UROD: variants seen among roughly 807,000 people sequenced by gnomAD.
UROD encodes the protein uroporphyrinogen III decarboxylase.
In UROD, 34 loss-of-function variants were observed where a neutral mutation model predicts 47.1. The observed-to-expected ratio is 0.72, with a 90% CI of 0.55 to 0.96. The LOEUF is 0.96. Among genes scored for constraint, UROD ranks in the 40% least tolerant of loss-of-function variants. The pLI is 0.00. For missense variants in UROD, 381 were observed against 471.8 expected, an observed-to-expected ratio of 0.81 and a Z score of 1.78; for synonymous variants, 148 against 175.8, an observed-to-expected ratio of 0.84 and a Z score of 1.25.
chr1:45,015,077 G>A (rs966651277), intron 9 of UROD, 71 bp downstream of exon 9: 93 of 1,605,654 alleles, frequency 5.8e-5, no homozygotes, highest in Non-Finnish European at 7.5e-5. Flanking sequence ...TATTCTGTGT[G>A]CACTTGTTTT....
intron 1 of UROD, 111 bp from the exon 2 acceptor site, chr1:45,012,796 C>T: frequency 1.3e-6 from 2 of 1,553,542 alleles, no homozygotes; most frequent in Non-Finnish European, 8.7e-7. Context: ...GGGAGCTGGC[C>T]TGGAGGAGGT....
chr1:45,014,689 G>A, intron 7 of UROD, 47 bp from the exon 8 acceptor site: 1 of 1,613,696 alleles, frequency 6.2e-7, no homozygotes, highest in Non-Finnish European at 8.5e-7. Context: ...AGAAAGATTA[G>A]TGGTTGTAGC....
In UROD at chr1:45,013,657, G is replaced by A; in HGVS notation, c.340G>A (p.Glu114Lys). 6.2e-7 allele frequency: 1 copy of A among 1,614,146 alleles called. No homozygotes were observed. The highest frequency in any genetic ancestry group is 1.3e-5 in the African/African-American group (1 of 75,034). The change falls in exon 5 of 10, where the codon GAA becomes AAA. Residue 114 changes from glutamate (E) to lysine (K), a missense_variant. Coordinates refer to ENST00000246337, the MANE Select transcript of UROD (RefSeq NM_000374.5). The surrounding 1 kb of genome is among the most constrained non-coding windows in gnomAD (Gnocchi z 4.2). ...KGPSFPEPLREEQDLERLRDP... is the reference protein window; with the variant it reads ...KGPSFPEPLRKEQDLERLRDP... ...ACCCAGCTTCCCAGAGCCATTAAGAGAAGAGCAGGACCTAGAACGCCTACG... is the reference window on the plus strand; with the variant it reads ...ACCCAGCTTCCCAGAGCCATTAAGAAAAGAGCAGGACCTAGAACGCCTACG...
rs1644822746 is a variant in UROD at position 45,013,504 on chromosome 1, T to G, written c.277-90T>G. The G allele has an allele frequency of 1.9e-6, 3 of 1,606,040 alleles. No individual in the cohort carries two copies. Among genetic ancestry groups the G allele is most frequent in the Non-Finnish European group, 8.5e-7 (1 of 1,174,318 alleles). On this transcript the variant is annotated intron_variant, in intron 4 of 9. Coordinates refer to ENST00000246337, the MANE Select transcript of UROD (RefSeq NM_000374.5). The surrounding 1 kb of genome is among the most constrained non-coding windows in gnomAD (Gnocchi z 4.2). Reference sequence around the variant, plus strand: ...AGAAATGGAGTTTGGCAGAGTTTTATTCTCCTTTTCCTTCCTCCTGGAATG... The same window carrying G: ...AGAAATGGAGTTTGGCAGAGTTTTAGTCTCCTTTTCCTTCCTCCTGGAATG...
chr1:45,014,307 TA>T (rs1644830424), intron 6 of UROD, 131 bp from the exon 7 acceptor site: 9 of 1,458,050 alleles, frequency 6.2e-6, no homozygotes, highest in Admixed American at 5.5e-5. Flanking sequence ...TTTTTTTTTT[TA>T]ATTACTGGGT....
chr1:45,015,113 ACT>A (rs1644839114), intron 9 of UROD, 107 bp downstream of exon 9: 2 of 1,556,526 alleles, frequency 1.3e-6, no homozygotes, highest in African/African-American at 2.7e-5. Context: ...CTTTTCTTCT[ACT>A]CTGTACAACA....
At position 45,015,337 on chromosome 1, in the gene UROD, G is replaced by A. The variant is rs1193521376; in HGVS notation, c.943G>A (p.Glu315Lys). ...AGCCAGTGCCCTGTTGGTCCCCCAG[G>A]AGGAGATCGGGCAGTTGGTGAAGCA... ...LDPCALYASE[E>K]EIGQLVKQML... is the part of the protein sequence containing the mutation. Residue 315 changes from glutamate (E) to lysine (K), a missense_variant and splice_region_variant, in exon 10 of 10, where the codon GAG (glutamate) becomes AAG (lysine). Physicochemically the swap from Glu to Lys is moderately conservative, Grantham distance 56. Transcript: ENST00000246337. 11 of 1,613,964 alleles carry A rather than the reference G, an allele frequency of 6.8e-6. No individual in the cohort carries two copies. Among genetic ancestry groups the A allele is most frequent in the Non-Finnish European group, 7.6e-6 (9 of 1,179,986 alleles).
chr1:45,012,577 G>T (rs1644810445), intron 1 of UROD: 4 of 616,592 alleles, frequency 6.5e-6, no homozygotes, highest in Non-Finnish European at 1.1e-5. Flanking sequence ...CCAGCCCAGT[G>T]ACATTCCCGT....
At chr1:45,015,060 G>A (rs1010988127) in intron 9 of UROD, 54 bp downstream of exon 9, 12 of 1,609,536 alleles carry the variant, frequency 7.5e-6, no homozygotes, top group Non-Finnish European at 4.2e-6. Context: ...TGTGGCTGTG[G>A]CTGTATTATT....
chr1:45,013,582 CT>C lies in UROD; in HGVS notation c.277-11del. ...TCCATTTTGGGAACCCAGATGTTTT[CT>C]CCCCCTCCAGGCACTGGGCATGGAG... is the stretch of plus-strand genomic sequence containing the variant. On this transcript the variant is annotated splice_polypyrimidine_tract_variant and intron_variant, in intron 4 of 9. Coordinates refer to ENST00000246337, the MANE Select transcript of UROD (RefSeq NM_000374.5). This position sits in a 1 kb window ranked among gnomAD's most constrained non-coding sequence, Gnocchi z 4.2. 6.2e-7 allele frequency: 1 copy of C among 1,614,104 alleles called. No homozygotes were observed. The highest frequency in any genetic ancestry group is 8.5e-7 in the Non-Finnish European group (1 of 1,180,018).
rs914169592 is a variant in UROD, at chr1:45,013,809, A to G, written c.474+18A>G. ...GTGCCCCAGTAATGTGGGACAGGGC[A>G]GGGACTCGGGGCGCGGGGAGATCAC... On this transcript the variant is annotated intron_variant, in intron 5 of 9. Coordinates refer to ENST00000246337, the MANE Select transcript of UROD (RefSeq NM_000374.5). The surrounding 1 kb of genome is among the most constrained non-coding windows in gnomAD (Gnocchi z 4.2). The G allele has an allele frequency of 2.5e-6, 4 of 1,614,046 alleles. No homozygotes were observed. Among genetic ancestry groups the G allele is most frequent in the African/African-American group, 2.7e-5 (2 of 74,940 alleles).
At position 45,014,198 on chromosome 1, in the gene UROD, T is replaced by C. The variant is rs148252375; in HGVS notation, c.636+128T>C. The C allele has an allele frequency of 5.4e-4, 785 of 1,456,254 alleles. 8 individuals carry two copies. In the African/African-American group the frequency reaches 9.6e-3, roughly 18 times the overall value. 90.2% of individuals were successfully genotyped at this position (1,456,254 alleles called of 1,614,324 possible). On this transcript the variant is annotated intron_variant, in intron 6 of 9. Coordinates refer to ENST00000246337, the MANE Select transcript of UROD (RefSeq NM_000374.5). ...GAAAGAACCTTGGCCTCCAGTGATC[T>C]AGCGGAGCAGCCAAGCCCATCCTGA...
At position 45,015,499 on chromosome 1, in the gene UROD, G is replaced by GTGTA. The variant is rs2148984017; in HGVS notation, c.*3_*6dup. ...CTCACGTCTGCTTCGACAGAACTGA[G>GTGTA]TGTATACCTTTACCCTCAAGTACCA... On this transcript the variant is annotated 3_prime_UTR_variant, in exon 10 of 10. Coordinates refer to ENST00000246337, the MANE Select transcript of UROD (RefSeq NM_000374.5). 1 of 1,614,264 alleles carries GTGTA rather than the reference G, an allele frequency of 6.2e-7. No individual in the cohort carries two copies. Among genetic ancestry groups the GTGTA allele is most frequent in the East Asian group, 2.2e-5 (1 of 44,886 alleles).
rs11541966 is a variant in UROD at position 45,012,956 on chromosome 1, T to C, written c.70T>C (p.Trp24Arg). 4 of 1,612,828 alleles carry C rather than the reference T, an allele frequency of 2.5e-6. No homozygotes were observed. The East Asian group carries it at 8.9e-5, about 36-fold the overall frequency. The change falls in exon 2 of 10, where the codon TGG becomes CGG. Residue 24 changes from tryptophan (W) to arginine (R), a missense_variant. Coordinates refer to ENST00000246337, the MANE Select transcript of UROD (RefSeq NM_000374.5). The part of the protein sequence containing the change: ...LKNDTFLRAA[W>R]GEETDYTPVW... ...GAATGACACATTCCTGCGAGCAGCC[T>C]GGGGAGAGGAAACAGACTACACTCC...
rs1332852205 is a variant in UROD at position 45,014,900 on chromosome 1, G to A, written c.876-40G>A. The A allele has an allele frequency of 1.1e-5, 18 of 1,614,206 alleles. No individual in the cohort carries two copies. In the East Asian group the frequency reaches 3.8e-4, roughly 34 times the overall value. On this transcript the variant is annotated intron_variant, in intron 8 of 9. Coordinates refer to ENST00000246337, the MANE Select transcript of UROD (RefSeq NM_000374.5). ...GGGTGTTGGCTGGGGGAGCTGCCATGTATGCAGTTACCAGAACGTGGCGCT... is the reference window on the plus strand; with the variant it reads ...GGGTGTTGGCTGGGGGAGCTGCCATATATGCAGTTACCAGAACGTGGCGCT...
chr1:45,012,770 C>T (rs1644812769), intron 1 of UROD, 137 bp from the exon 2 acceptor site: 2 of 1,532,686 alleles, frequency 1.3e-6, no homozygotes, highest in Non-Finnish European at 1.8e-6. Context: ...GCGGAACGGG[C>T]GGAAAGCCAG....
chr1:45,014,706 C>T (rs764342652), intron 7 of UROD, 30 bp from the exon 8 acceptor site: 37 of 1,613,846 alleles, frequency 2.3e-5, no homozygotes, highest in Admixed American at 1.5e-4. Flanking sequence ...TAGCAAGGCC[C>T]TCTGTAGCCT....
chr1:45,012,391 C>A, intron 1 of UROD, 106 bp downstream of exon 1: 1 of 1,487,932 alleles, frequency 6.7e-7, no homozygotes, highest in Non-Finnish European at 9.4e-7. Flanking sequence ...GGAGACCTCC[C>A]AACCTGAACT....
At chr1:45,015,142 C>T (rs561849943) in intron 9 of UROD, 136 bp downstream of exon 9, 48 of 1,491,432 alleles carry the variant, frequency 3.2e-5, no homozygotes, top group South Asian at 5.9e-5. Flanking sequence ...CTAGAAAGAC[C>T]GGACTTTTTG....
Sources: allele counts gnomAD v4.1 joint callset, GRCh38; gene constraint gnomAD v4.1.1; non-coding constraint Gnocchi (gnomAD v3.1); transcripts MANE v1.5; gene names NCBI Gene and HGNC (gene_info 2026-07-23, HGNC 2026-07-21).